Variants in SPATA13 observed in about 807,000 individuals in gnomAD.
SPATA13 encodes spermatogenesis-associated protein 13.
SPATA13 carries 50 observed loss-of-function variants against 104.0 expected under a neutral mutation model. That is an observed-to-expected ratio of 0.48 (90% confidence interval 0.38 to 0.61). The LOEUF (loss-of-function observed/expected upper bound fraction) is 0.61, where lower values mean the gene tolerates loss of function less well. SPATA13 is among the 20% of genes least tolerant of loss of function. The pLI, the probability that SPATA13 is intolerant of heterozygous loss-of-function variation, is 0.00. For synonymous variants in SPATA13, 606 were observed against 667.5 expected (o/e 0.91, Z 1.42); for missense variants, 1,524 against 1,690.6 (o/e 0.90, Z 1.73).
At chr13:24,215,595 TGCA>T (rs1871225843) in intron 1 of SPATA13, among the ~76,000 whole-genome samples, 1 of 152,176 alleles carries the variant, frequency 6.6e-6, no homozygotes, top group East Asian at 1.9e-4. Context: ...CTAAAATAAA[TGCA>T]GCAAAAATAA....
Position 24,299,869 on chromosome 13 carries a change from C to T in SPATA13, c.3584-532C>T, listed in dbSNP as rs73455756. Among the ~76,000 whole-genome samples the T allele has an allele frequency of 1.8e-3, 273 of 152,356 alleles. 1 individual carries two copies. Among genetic ancestry groups the T allele is most frequent in the East Asian group, 9.6e-3 (50 of 5,190 alleles). On this transcript the variant is annotated intron_variant, in intron 11 of 12. Transcript: ENST00000382108. ...TTTCACCCAGTTCACACACTGCACA[C>T]GTACACTGTCACTGTGCTACTGGAC...
intron 3 of SPATA13, among the ~76,000 whole-genome samples, chr13:24,136,189 A>G (rs902432751): frequency 3.3e-5 from 5 of 152,216 alleles, no homozygotes; most frequent in Admixed American, 6.5e-5. Flanking sequence ...TTATTTTTAA[A>G]TAAACAATCA....
At chr13:24,005,159 A>G (rs1278823061) in intron 2 of SPATA13, among the ~76,000 whole-genome samples, 1 of 152,242 alleles carries the variant, frequency 6.6e-6, no homozygotes, top group East Asian at 1.9e-4. Context: ...GGGAGAAGTT[A>G]ACAGATGCTG....
chr13:24,098,525 C>T (rs953660058), intron 3 of SPATA13, among the ~76,000 whole-genome samples: 8 of 149,572 alleles, frequency 5.3e-5, no homozygotes, highest in African/African-American at 1.2e-4. Flanking sequence ...TGAGCCTGGA[C>T]GTTTGAGGCC....
At position 24,118,556 on chromosome 13, in the gene SPATA13, C is replaced by T. The variant is rs140992136; in HGVS notation, c.-112+100855C>T. 2.6e-5 allele frequency among the ~76,000 whole-genome samples: 4 copies of T among 152,210 alleles called. No homozygotes were observed. In the East Asian group the frequency reaches 7.7e-4, roughly 29 times the overall value. On this transcript the variant is annotated intron_variant, in intron 3 of 14. Coordinates refer to the SPATA13 transcript ENST00000424834. ...CAGTCTCCTAGGTGGTTTATTAAAA[C>T]ACAGATGACTTAAGCCCCACCCCCT...
chr13:24,122,446 C>T (rs1163023149), intron 3 of SPATA13: 22 of 1,602,484 alleles, frequency 1.4e-5, no homozygotes, highest in Non-Finnish European at 1.7e-5. Flanking sequence ...TTCATCGTCT[C>T]CATCTTCACC....
rs755524611 is a variant in SPATA13, at chr13:24,222,851, C to T, written c.-79C>T. The T allele has an allele frequency of 1.1e-4, 174 of 1,535,442 alleles. No homozygotes were observed. Among genetic ancestry groups the T allele is most frequent in the Non-Finnish European group, 1.4e-4 (159 of 1,137,226 alleles). On this transcript the variant is annotated 5_prime_UTR_variant, in exon 2 of 13. Transcript: ENST00000382108. Reference sequence around the variant, plus strand: ...CCACCCAGGAGCCCGATGTGCAAGGCAGGTGTGAGTGCCAGGACGGCATTC... The same window carrying T: ...CCACCCAGGAGCCCGATGTGCAAGGTAGGTGTGAGTGCCAGGACGGCATTC...
At chr13:24,249,935 T>C (rs1873390436) in intron 3 of SPATA13, 93 bp downstream of exon 3, 2 of 1,483,102 alleles carry the variant, frequency 1.3e-6, no homozygotes, top group South Asian at 2.7e-5. Flanking sequence ...CTGCTTTTTC[T>C]CTCCCGTTCT....
At chr13:24,071,507 A>T (rs1879162562) in intron 3 of SPATA13, among the ~76,000 whole-genome samples, 1 of 152,190 alleles carries the variant, frequency 6.6e-6, no homozygotes, top group African/African-American at 2.4e-5. Context: ...GCTTAGAAAT[A>T]AAGTACCTCA....
At chr13:24,096,325 G>A (rs903381946) in intron 3 of SPATA13, among the ~76,000 whole-genome samples, 5 of 152,194 alleles carry the variant, frequency 3.3e-5, no homozygotes, top group African/African-American at 7.2e-5. Context: ...CCTGGGTGCC[G>A]TGGCTCACGC....
rs559824845 is a variant in SPATA13, at chr13:24,146,595, C to A, written c.-111-76224C>A. Among the ~76,000 whole-genome samples the A allele has an allele frequency of 2.6e-4, 40 of 151,958 alleles. 1 individual carries two copies. The South Asian group carries it at 7.7e-3, about 29-fold the overall frequency. ...GAGGAAAGTAGGCTATAAATAACCT[C>A]TAAAATGTTCTTTTACAGGGCACTA... On this transcript the variant is annotated intron_variant, in intron 3 of 14. Transcript: ENST00000424834.
chr13:24,223,935 A>C lies in SPATA13; in HGVS notation c.1006A>C (p.Ser336Arg), dbSNP rs1871768433. The change falls in exon 2 of 13, where the codon AGT (serine) becomes CGT (arginine). Residue 336 changes from serine to arginine, a missense_variant. By Grantham distance (110) the Ser-to-Arg change is moderately radical (BLOSUM62 -1). Coordinates refer to ENST00000382108, the MANE Select transcript of SPATA13 (RefSeq NM_001166271.3). ...NVTEAAWRRE[S>R]PRSGAPSPGE... ...GACTGAGGCTGCCTGGAGGAGGGAG[A>C]GTCCTAGGAGTGGGGCCCCATCCCC... The C allele has an allele frequency of 6.4e-7, 1 of 1,550,520 alleles. No individual in the cohort carries two copies. The highest frequency in any genetic ancestry group is 8.7e-7 in the Non-Finnish European group (1 of 1,146,226).
chr13:24,041,590 G>C (rs1423425695), intron 3 of SPATA13, among the ~76,000 whole-genome samples: 1 of 152,218 alleles, frequency 6.6e-6, no homozygotes. Context: ...GTTGTGTCAG[G>C]AACCATGGTG....
At position 24,161,447 on chromosome 13, in the gene SPATA13, G is replaced by A. The variant is rs1414853297; in HGVS notation, c.-112+515G>A. 6.6e-6 allele frequency among the ~76,000 whole-genome samples: 1 copy of A among 152,214 alleles called. No homozygotes were observed. The highest frequency in any genetic ancestry group is 2.4e-5 in the African/African-American group (1 of 41,454). Reference sequence around the variant, plus strand: ...GCAAGTTTCTCTTGGTACCAGCGGAGTCTCGTCCCAGGGGAAAGATTTTGG... The same window carrying A: ...GCAAGTTTCTCTTGGTACCAGCGGAATCTCGTCCCAGGGGAAAGATTTTGG... On this transcript the variant is annotated intron_variant, in intron 1 of 12. Coordinates refer to ENST00000382108, the MANE Select transcript of SPATA13 (RefSeq NM_001166271.3). The surrounding 1 kb of genome is among the most constrained non-coding windows in gnomAD (Gnocchi z 4.5).
intron 1 of SPATA13, among the ~76,000 whole-genome samples, chr13:24,177,068 A>G (rs976408218): frequency 6.6e-6 from 1 of 152,130 alleles, no homozygotes; most frequent in Admixed American, 6.6e-5. Flanking sequence ...CCCAGCCTGT[A>G]GTATATACTT....
chr13:24,231,034 C>T (rs559799014), intron 2 of SPATA13, among the ~76,000 whole-genome samples: 14 of 152,252 alleles, frequency 9.2e-5, no homozygotes, highest in African/African-American at 2.9e-4. Context: ...CCACTACCAC[C>T]GTCCAGCTAA....
intron 2 of SPATA13, among the ~76,000 whole-genome samples, chr13:23,994,623 C>A (rs1176369551): frequency 6.6e-6 from 1 of 152,160 alleles, no homozygotes; most frequent in Admixed American, 6.5e-5. Context: ...ACACGTGGGA[C>A]ATGTTGAAGT....
chr13:24,094,376 A>G (rs910023572), intron 3 of SPATA13, among the ~76,000 whole-genome samples: 33 of 152,162 alleles, frequency 2.2e-4, no homozygotes, highest in African/African-American at 8.0e-4. Flanking sequence ...AGGGTTGTGA[A>G]AAACGGATCA....
At chr13:24,221,255 G>C (rs947492382) in intron 1 of SPATA13, among the ~76,000 whole-genome samples, 6 of 152,182 alleles carry the variant, frequency 3.9e-5, no homozygotes, top group African/African-American at 1.2e-4. Flanking sequence ...AAGTCATTCT[G>C]TGACCTCTTA....
Sources: allele counts gnomAD v4.1 joint callset (sites outside exome capture counted in the v4.1 genomes callset), GRCh38; gene constraint gnomAD v4.1.1; non-coding constraint Gnocchi (gnomAD v3.1); transcripts MANE v1.5; gene names NCBI Gene and HGNC (gene_info 2026-07-23, HGNC 2026-07-21).